IGLL1: variants seen among roughly 807,000 people sequenced by gnomAD.
IGLL1 encodes the protein immunoglobulin lambda-like polypeptide 1.
IGLL1 carries 10 observed loss-of-function variants against 10.5 expected under a neutral mutation model. The observed-to-expected ratio is 0.95, with a 90% CI of 0.59 to 1.62. The LOEUF is 1.62. IGLL1 is among the 40% of genes most tolerant of loss of function. The probability of loss-of-function intolerance (pLI) is 0.00; values close to 1 mark genes in which losing one functional copy is unlikely to be tolerated. For synonymous variants in IGLL1, 141 were observed against 122.7 expected (o/e 1.15, Z -0.99); for missense variants, 284 against 278.7 (o/e 1.02, Z -0.14).
intron 1 of IGLL1, among the ~76,000 whole-genome samples, chr22:23,579,052 AG>A (rs1314786242): frequency 5.3e-5 from 8 of 152,214 alleles, no homozygotes; most frequent in Non-Finnish European, 1.5e-5. Flanking sequence ...AGGATGGGAC[AG>A]GGGAGAGCTA....
chr22:23,574,444 G>A (rs983480035), intron 2 of IGLL1, among the ~76,000 whole-genome samples: 1 of 151,858 alleles, frequency 6.6e-6, no homozygotes, highest in Non-Finnish European at 1.5e-5. Flanking sequence ...CCGTTCCTCT[G>A]TGTCCCCATG....
At chr22:23,574,556 C>G (rs756562875) in intron 2 of IGLL1, among the ~76,000 whole-genome samples, 114 of 152,268 alleles carry the variant, frequency 7.5e-4, no homozygotes, top group Non-Finnish European at 1.4e-3. Flanking sequence ...TGTCCCCAGG[C>G]CCCCGTGTGG....
intron 1 of IGLL1, among the ~76,000 whole-genome samples, chr22:23,575,586 C>G (rs1026637375): frequency 3.9e-5 from 6 of 152,156 alleles, no homozygotes; most frequent in African/African-American, 1.4e-4. Flanking sequence ...GTCCATCTGT[C>G]CATCTATGCA....
At chr22:23,578,967 T>C (rs887137727) in intron 1 of IGLL1, among the ~76,000 whole-genome samples, 62 of 151,830 alleles carry the variant, frequency 4.1e-4, no homozygotes, top group African/African-American at 1.5e-3. Context: ...TGAAACTTTA[T>C]TTGAAAAAGA....
At position 23,573,396 on chromosome 22, in the gene IGLL1, T is replaced by C. The variant is rs1064421; in HGVS notation, c.512A>G (p.Asn171Ser). 4.3e-3 allele frequency: 6,870 copies of C among 1,612,768 alleles called. 28 individuals carry two copies. The highest frequency in any genetic ancestry group is 0.011 in the East Asian group (489 of 44,842). ...EMTTPSKQSNNKYAASSYLSL... is the reference protein window; with the variant it reads ...EMTTPSKQSNSKYAASSYLSL... ...CAGGTAGCTGCTGGCCGCGTACTTG[T>C]TGTTGCTCTGTTTGGAGGGCGTGGT... is the stretch of plus-strand genomic sequence containing the variant. Residue 171 changes from asparagine (N) to serine (S), a missense_variant, in exon 3 of 3, where the codon AAC (asparagine) becomes AGC (serine). Asn to Ser is a conservative substitution (Grantham distance 46, BLOSUM62 1). Transcript: ENST00000330377.
chr22:23,575,169 C>T (rs2123698492), intron 1 of IGLL1, 87 bp from the exon 2 acceptor site: 1 of 894,540 alleles, frequency 1.1e-6, no homozygotes. Context: ...CCAGTAGTGT[C>T]CCCCAGTAGT....
In IGLL1 at chr22:23,575,069, G is replaced by A. The variant is rs750469809; in HGVS notation, c.220C>T (p.Arg74Cys). Residue 74 changes from arginine to cysteine, a missense_variant, in exon 2 of 3, where the codon CGC (arginine) becomes TGC (cysteine). Coordinates refer to ENST00000330377, the MANE Select transcript of IGLL1 (RefSeq NM_020070.4). The part of the protein sequence containing the change: ...RSRWGRFLLQ[R>C]GSWTGPRCWP... Reference sequence around the variant, plus strand: ...CACCTGGGGCCAGTCCAGGAGCCGCGCTGGAGCAGGAACCTGCTGGGAGTG... The same window carrying A: ...CACCTGGGGCCAGTCCAGGAGCCGCACTGGAGCAGGAACCTGCTGGGAGTG... 1.2e-5 allele frequency: 19 copies of A among 1,613,484 alleles called. No homozygotes were observed. Among genetic ancestry groups the A allele is most frequent in the Non-Finnish European group, 1.6e-5 (19 of 1,179,458 alleles).
rs745592691 is a variant in IGLL1, at chr22:23,579,988, C to T, written c.203G>A (p.Gly68Asp). ...SSRSSLRSRW[G>D]RFLLQRGSWT... ...CCTGGAATCTCTCACCCCTTACCTGCCCCACCGGCTCCTCAGGCTGGACCG... is the reference window on the plus strand; with the variant it reads ...CCTGGAATCTCTCACCCCTTACCTGTCCCACCGGCTCCTCAGGCTGGACCG... The change falls in exon 1 of 3, where the codon GGC (glycine) becomes GAC (aspartate). Residue 68 changes from glycine to aspartate, a missense_variant. Gly to Asp is a moderately conservative substitution (Grantham distance 94). Coordinates refer to ENST00000330377, the MANE Select transcript of IGLL1 (RefSeq NM_020070.4). 17 of 1,578,170 alleles carry T rather than the reference C, an allele frequency of 1.1e-5. No individual in the cohort carries two copies. The highest frequency in any genetic ancestry group is 1.4e-5 in the Non-Finnish European group (16 of 1,167,242).
In IGLL1 at chr22:23,576,896, C is replaced by A. The variant is rs144384990; in HGVS notation, c.207-1814G>T. On this transcript the variant is annotated intron_variant, in intron 1 of 2. Transcript: ENST00000330377. Reference sequence around the variant, plus strand: ...CTCTAAACCCGTTAACTACAGTCCCCCATTCTTCCCTCCCCCTCACCCTGC... The same window carrying A: ...CTCTAAACCCGTTAACTACAGTCCCACATTCTTCCCTCCCCCTCACCCTGC... Among the ~76,000 whole-genome samples, 236 of 152,216 alleles carry A rather than the reference C, an allele frequency of 1.6e-3. 2 individuals are homozygous for A. The highest frequency in any genetic ancestry group is 0.01 in the East Asian group (54 of 5,192).
chr22:23,579,330 G>T (rs1476998782), intron 1 of IGLL1, among the ~76,000 whole-genome samples: 1 of 152,194 alleles, frequency 6.6e-6, no homozygotes, highest in African/African-American at 2.4e-5. Context: ...ACCACACGCA[G>T]AGTGGTGGCA....
intron 1 of IGLL1, among the ~76,000 whole-genome samples, chr22:23,578,769 A>G (rs1925184707): frequency 6.6e-6 from 1 of 152,140 alleles, no homozygotes; most frequent in Admixed American, 6.5e-5. Context: ...AGCCTGGCCA[A>G]CATGGTGAAA....
chr22:23,575,171 C>G (rs749094296), intron 1 of IGLL1, 89 bp from the exon 2 acceptor site: 6 of 882,588 alleles, frequency 6.8e-6, no homozygotes, highest in Non-Finnish European at 1.2e-5. Context: ...AGTAGTGTCC[C>G]CCAGTAGTGT....
At chr22:23,574,749 T>C (rs1256210176) in intron 2 of IGLL1, among the ~76,000 whole-genome samples, 3 of 152,170 alleles carry the variant, frequency 2.0e-5, no homozygotes, top group African/African-American at 7.2e-5. Flanking sequence ...GGGACCAGGC[T>C]GTGTCCTGCT....
intron 1 of IGLL1, among the ~76,000 whole-genome samples, chr22:23,576,056 T>C (rs7285345): frequency 0.036 from 5,548 of 152,144 alleles, 325 homozygotes; most frequent in African/African-American, 0.13. Flanking sequence ...AGCTCCTCAA[T>C]TGCCTACTGA....
rs1064419 is a variant in IGLL1, at chr22:23,573,387, G to A, written c.521C>T (p.Ala174Val). 2.6e-3 allele frequency: 4,135 copies of A among 1,561,168 alleles called. 9 individuals carry two copies. Among genetic ancestry groups the A allele is most frequent in the African/African-American group, 0.013 (913 of 69,340 alleles). The change falls in exon 3 of 3, where the codon GCG becomes GTG. Residue 174 changes from alanine to valine, a missense_variant. By Grantham distance (64) the Ala-to-Val change is moderately conservative (BLOSUM62 0). Coordinates refer to ENST00000330377, the MANE Select transcript of IGLL1 (RefSeq NM_020070.4). ...CGTCAGGCTCAGGTAGCTGCTGGCC[G>A]CGTACTTGTTGTTGCTCTGTTTGGA... is the stretch of plus-strand genomic sequence containing the variant. ...TPSKQSNNKYAASSYLSLTPE... is the reference protein window; with the variant it reads ...TPSKQSNNKYVASSYLSLTPE...
chr22:23,574,955 A>C lies in IGLL1; in HGVS notation c.322+12T>G. On this transcript the variant is annotated intron_variant, in intron 2 of 2. Coordinates refer to ENST00000330377, the MANE Select transcript of IGLL1 (RefSeq NM_020070.4). ...AGAGGGTGGGACAGCCTGGGAAGTT[A>C]GAGCCACTTACTTAAAACGGTGAGC... The C allele has an allele frequency of 5.2e-5, 82 of 1,567,152 alleles. No individual in the cohort carries two copies. The highest frequency in any genetic ancestry group is 6.4e-5 in the Non-Finnish European group (73 of 1,137,510).
At chr22:23,577,521 G>GGAA (rs1199662178) in intron 1 of IGLL1, among the ~76,000 whole-genome samples, 4 of 150,550 alleles carry the variant, frequency 2.7e-5, no homozygotes. Flanking sequence ...GAATTCTACA[G>GGAA]GAATAATCAG....
Position 23,573,158 on chromosome 22 carries a change from T to C in IGLL1, c.*108A>G, listed in dbSNP as rs1924854237. The C allele has an allele frequency of 1.0e-6, 1 of 993,744 alleles. No homozygotes were observed. The highest frequency in any genetic ancestry group is 1.6e-5 in the African/African-American group (1 of 62,072). The allele number at this position is 993,744 out of a possible 1,614,324, so 61.6% of individuals were successfully genotyped here. A position where few individuals can be genotyped will look rare whatever the true frequency, so the allele number is the denominator to read the frequency against. ...TGACAAAGAGGGTATTTATTTAGGG[T>C]TTACTGGGTACAGGGAGAAGGGCTG... On this transcript the variant is annotated 3_prime_UTR_variant, in exon 3 of 3. Coordinates refer to ENST00000330377, the MANE Select transcript of IGLL1 (RefSeq NM_020070.4).
chr22:23,574,749 T>G (rs1256210176), intron 2 of IGLL1, among the ~76,000 whole-genome samples: 2 of 152,170 alleles, frequency 1.3e-5, no homozygotes, highest in South Asian at 4.1e-4. Context: ...GGGACCAGGC[T>G]GTGTCCTGCT....
Sources: gnomAD v4.1 joint callset for allele counts (sites outside exome capture counted in the v4.1 genomes callset) on GRCh38, gnomAD v4.1.1 for gene constraint, MANE v1.5 for transcripts, NCBI Gene and HGNC (gene_info 2026-07-23, HGNC 2026-07-21) for gene names.